DACH2: variants seen among roughly 807,000 people sequenced by gnomAD.
DACH2 encodes dachshund homolog 2.
A neutral mutation model predicts 35.8 loss-of-function variants in DACH2; 17 were observed. The ratio of observed to expected loss-of-function variants is 0.48; its 90% CI spans 0.33 to 0.71. The LOEUF is 0.71. DACH2 is among the 30% of genes least tolerant of loss of function. DACH2 has a pLI of 0.02. For missense variants in DACH2, 469 were observed against 472.7 expected (o/e 0.99, Z 0.07); for synonymous variants, 195 against 177.3 (o/e 1.10, Z -0.79).
At chrX:86,173,804 G>C (rs2031211182) in intron 1 of DACH2, among the ~76,000 whole-genome samples, 1 of 112,215 alleles carries the variant, frequency 8.9e-6, no homozygotes, top group Non-Finnish European at 1.9e-5. Context: ...GCTCTGGCTA[G>C]GTTGAGAATA....
intron 1 of DACH2, among the ~76,000 whole-genome samples, chrX:86,299,532 G>T (rs1386500342): frequency 8.9e-6 from 1 of 111,896 alleles, no homozygotes. Flanking sequence ...TGTGTGTTGA[G>T]ATATGATTAC....
intron 7 of DACH2, among the ~76,000 whole-genome samples, chrX:86,760,955 A>G (rs1185459603): frequency 9.0e-6 from 1 of 111,656 alleles, no homozygotes; most frequent in Non-Finnish European, 1.9e-5. Context: ...GGATGCATGC[A>G]GTAGTGTAGT....
chrX:86,295,718 C>A (rs757745303), intron 1 of DACH2, among the ~76,000 whole-genome samples: 1 of 111,048 alleles, frequency 9.0e-6, no homozygotes, highest in East Asian at 2.8e-4. Context: ...GAGTTTGATG[C>A]CTCACAATTG....
chrX:86,293,615 C>A (rs1376469821), intron 1 of DACH2, among the ~76,000 whole-genome samples: 1 of 109,572 alleles, frequency 9.1e-6, no homozygotes, highest in Non-Finnish European at 1.9e-5. Flanking sequence ...TTAGGGCAGG[C>A]CTGGTGGTGA....
At chrX:86,583,888 T>A (rs949037994) in intron 3 of DACH2, among the ~76,000 whole-genome samples, 2 of 110,171 alleles carry the variant, frequency 1.8e-5, no homozygotes, top group African/African-American at 6.6e-5. Context: ...AGTTTTCTCC[T>A]TTTTTACACT....
chrX:86,337,886 A>T lies in DACH2; in HGVS notation c.489-38938A>T, dbSNP rs151326863. 5.0e-3 allele frequency among the ~76,000 whole-genome samples: 552 copies of T among 111,254 alleles called. 2 individuals carry two copies. The highest frequency in any genetic ancestry group is 7.5e-3 in the Non-Finnish European group (397 of 53,068). On this transcript the variant is annotated intron_variant, in intron 1 of 11. Transcript: ENST00000373125. ...TAGGATTATTTACCAAGTAAATGGA[A>T]ATCAAAAAAAATCAGGGGTTGCAGA...
intron 2 of DACH2, among the ~76,000 whole-genome samples, chrX:86,499,955 G>A (rs1376478517): frequency 9.0e-6 from 1 of 111,231 alleles, no homozygotes; most frequent in Admixed American, 9.6e-5. Flanking sequence ...CCAATTTCAA[G>A]CTACCAACAT....
chrX:86,180,782 A>T (rs767489169), intron 1 of DACH2, among the ~76,000 whole-genome samples: 88 of 111,935 alleles, frequency 7.9e-4, no homozygotes, highest in African/African-American at 2.7e-3. Flanking sequence ...TGCTTAATCT[A>T]TTTATTTTGA....
chrX:86,393,426 G>C lies in DACH2; in HGVS notation c.527+16564G>C, dbSNP rs188804388. 1.1e-3 allele frequency among the ~76,000 whole-genome samples: 128 copies of C among 112,061 alleles called. 1 individual carries two copies. The highest frequency in any genetic ancestry group is 4.0e-3 in the African/African-American group (123 of 30,879). On this transcript the variant is annotated intron_variant, in intron 2 of 11. Coordinates refer to ENST00000373125, the MANE Select transcript of DACH2 (RefSeq NM_053281.3). ...TGAGACATAATAAATGCATGTTAAC[G>C]CAATACATAGATTACTGGAGAGTTT...
intron 1 of DACH2, among the ~76,000 whole-genome samples, chrX:86,362,940 C>A (rs1385338633): frequency 9.0e-6 from 1 of 110,655 alleles, no homozygotes; most frequent in African/African-American, 3.3e-5. Context: ...AGCAAAAATC[C>A]TTTAGTAAAG....
chrX:86,227,622 C>CT (rs375257145), intron 1 of DACH2, among the ~76,000 whole-genome samples: 7,735 of 101,818 alleles, frequency 0.076, 765 homozygotes, highest in African/African-American at 0.26. Flanking sequence ...CTGATAGATT[C>CT]TTTTTTTTTT....
intron 1 of DACH2, among the ~76,000 whole-genome samples, chrX:86,253,342 C>T (rs1023073688): frequency 9.0e-6 from 1 of 111,461 alleles, no homozygotes; most frequent in African/African-American, 3.3e-5. Flanking sequence ...GTGAAAATGA[C>T]CATACTGTCA....
chrX:86,528,859 C>T (rs1298393092), intron 3 of DACH2, among the ~76,000 whole-genome samples: 2 of 111,919 alleles, frequency 1.8e-5, no homozygotes, highest in Non-Finnish European at 3.8e-5. Flanking sequence ...AATGCTATTA[C>T]ATGTGTAGAA....
chrX:86,421,721 T>C (rs1024111708), intron 2 of DACH2, among the ~76,000 whole-genome samples: 2 of 111,616 alleles, frequency 1.8e-5, no homozygotes, highest in African/African-American at 6.5e-5. Context: ...ATTGGTTTCC[T>C]TTGTTAAATC....
At chrX:86,602,007 A>C (rs1316775801) in intron 3 of DACH2, among the ~76,000 whole-genome samples, 1 of 112,364 alleles carries the variant, frequency 8.9e-6, no homozygotes, top group Admixed American at 9.4e-5. Context: ...CAATCAAAAA[A>C]GTTAATTCCT....
intron 6 of DACH2, among the ~76,000 whole-genome samples, chrX:86,725,110 G>T (rs2041451413): frequency 1.9e-5 from 2 of 106,436 alleles, no homozygotes; most frequent in African/African-American, 6.8e-5. Context: ...ATTTGCATTT[G>T]TTTTCAGATT....
chrX:86,295,393 C>G (rs1287947638), intron 1 of DACH2, among the ~76,000 whole-genome samples: 1 of 112,038 alleles, frequency 8.9e-6, no homozygotes, highest in African/African-American at 3.2e-5. Flanking sequence ...GTCGCTCACG[C>G]TGGGAGCTGT....
intron 2 of DACH2, among the ~76,000 whole-genome samples, chrX:86,465,451 A>G (rs1288234953): frequency 8.9e-6 from 1 of 111,798 alleles, no homozygotes; most frequent in Non-Finnish European, 1.9e-5. Context: ...ACCATAGCCT[A>G]TGGCAGCTAC....
intron 3 of DACH2, among the ~76,000 whole-genome samples, chrX:86,586,638 A>G (rs1236588852): frequency 1.8e-5 from 2 of 111,827 alleles, no homozygotes; most frequent in Admixed American, 9.5e-5. Flanking sequence ...AATCTTCTAC[A>G]TGTGACTAGA....
Sources: allele counts gnomAD v4.1 joint callset (sites outside exome capture counted in the v4.1 genomes callset), GRCh38; gene constraint gnomAD v4.1.1; transcripts MANE v1.5; gene names NCBI Gene and HGNC (gene_info 2026-07-23, HGNC 2026-07-21).